Variants in SDK1 observed in about 807,000 individuals in gnomAD.
SDK1 encodes protein sidekick-1.
In SDK1, 157 loss-of-function variants were observed where a neutral mutation model predicts 245.5. The ratio of observed to expected loss-of-function variants is 0.64; its 90% confidence interval spans 0.56 to 0.73. SDK1 has a LOEUF of 0.73. Ranked by LOEUF, SDK1 falls within the 30% of genes least tolerant of loss-of-function variation. The pLI is 0.00. For missense variants in SDK1, 3,583 were observed against 3,002.3 expected, an observed-to-expected ratio of 1.19 and a Z score of -4.52; for synonymous variants, 1,647 against 1,278.5, an observed-to-expected ratio of 1.29 and a Z score of -6.15.
At chr7:3,770,385 T>A (rs1021722521) in intron 4 of SDK1, among the ~76,000 whole-genome samples, 2 of 152,196 alleles carry the variant, frequency 1.3e-5, no homozygotes, top group African/African-American at 4.8e-5. Context: ...CCTGGGATAT[T>A]TACAGTTTTG....
At chr7:4,025,317 A>T (rs1163637434) in intron 17 of SDK1, among the ~76,000 whole-genome samples, 1 of 152,244 alleles carries the variant, frequency 6.6e-6, no homozygotes, top group Non-Finnish European at 1.5e-5. Context: ...CTCGGCTATG[A>T]AGCCTGTCTT....
In SDK1 at chr7:3,523,875, C is replaced by G. The variant is rs541552349; in HGVS notation, c.299-95205C>G. ...TGGTTGTACATTTGGTTTTCTACCC[C>G]CTTATGTGGCAAAAATATTGCTGTG... On this transcript the variant is annotated intron_variant, in intron 1 of 44. Coordinates refer to ENST00000404826, the MANE Select transcript of SDK1 (RefSeq NM_152744.4). Among the ~76,000 whole-genome samples, 5 of 152,186 alleles carry G rather than the reference C, an allele frequency of 3.3e-5. No homozygotes were observed. In the South Asian group the frequency reaches 6.2e-4, roughly 19 times the overall value.
At chr7:3,302,037 A>G (rs1352402593) in intron 1 of SDK1, 153 bp downstream of exon 1, 4 of 442,778 alleles carry the variant, frequency 9.0e-6, no homozygotes, top group Non-Finnish European at 1.2e-5. Flanking sequence ...GGGCTCCTCC[A>G]CGCCAGACTC....
chr7:3,464,006 G>T (rs993959708), intron 1 of SDK1, among the ~76,000 whole-genome samples: 1 of 152,100 alleles, frequency 6.6e-6, no homozygotes, highest in Non-Finnish European at 1.5e-5. Flanking sequence ...TTCTCTTACA[G>T]TTCATTTATA....
intron 26 of SDK1, among the ~76,000 whole-genome samples, chr7:4,128,867 G>C: frequency 7.3e-6 from 1 of 136,422 alleles, no homozygotes; most frequent in African/African-American, 2.8e-5. Flanking sequence ...AGAGCAGCTT[G>C]GGGTGGGGTG....
At chr7:3,883,794 C>G (rs992228709) in intron 5 of SDK1, among the ~76,000 whole-genome samples, 6 of 151,444 alleles carry the variant, frequency 4.0e-5, no homozygotes, top group Non-Finnish European at 8.8e-5. Flanking sequence ...TCCTCTTGCC[C>G]TAGTTCTAGT....
At chr7:4,056,760 A>C (rs1048019602) in intron 19 of SDK1, among the ~76,000 whole-genome samples, 15 of 152,134 alleles carry the variant, frequency 9.9e-5, no homozygotes, top group African/African-American at 3.6e-4. Flanking sequence ...AGCAGCTACT[A>C]TGCAGTGCTG....
At chr7:4,157,327 G>T (rs1420282006) in intron 30 of SDK1, among the ~76,000 whole-genome samples, 1 of 149,426 alleles carries the variant, frequency 6.7e-6, no homozygotes, top group Non-Finnish European at 1.5e-5. Flanking sequence ...GACGGGAGGT[G>T]GAAGGGAGAG....
intron 1 of SDK1, among the ~76,000 whole-genome samples, chr7:3,417,497 C>G (rs1583826859): frequency 6.6e-6 from 1 of 152,130 alleles, no homozygotes. Context: ...AGTTCTAACT[C>G]TTCAAGCGTA....
At chr7:3,541,731 G>C (rs1320937092) in intron 1 of SDK1, among the ~76,000 whole-genome samples, 4 of 152,130 alleles carry the variant, frequency 2.6e-5, no homozygotes, top group Non-Finnish European at 5.9e-5. Context: ...TTCAGTAACT[G>C]ATGGTTGAAT....
intron 40 of SDK1, chr7:4,232,795 C>G (rs905623933): frequency 6.5e-6 from 1 of 153,290 alleles, no homozygotes; most frequent in African/African-American, 2.4e-5. Context: ...TCTCACTGAT[C>G]ACATTTCTTT....
intron 1 of SDK1, among the ~76,000 whole-genome samples, chr7:3,546,885 A>C (rs1779241366): frequency 6.6e-6 from 1 of 152,222 alleles, no homozygotes; most frequent in Non-Finnish European, 1.5e-5. Flanking sequence ...CAAGCATTTA[A>C]AAGTCATCAT....
chr7:4,052,944 G>A (rs1313880566), intron 19 of SDK1, among the ~76,000 whole-genome samples: 2 of 151,840 alleles, frequency 1.3e-5, no homozygotes, highest in Non-Finnish European at 2.9e-5. Flanking sequence ...AAAATTAGCT[G>A]GGTGTGGTGG....
chr7:4,256,958 G>A (rs1787673458), intron 44 of SDK1, among the ~76,000 whole-genome samples: 1 of 152,104 alleles, frequency 6.6e-6, no homozygotes. Context: ...CTGATCGGAG[G>A]TGCTCCTCTG....
chr7:4,124,371 T>A (rs1259856501), intron 25 of SDK1, among the ~76,000 whole-genome samples: 1 of 152,202 alleles, frequency 6.6e-6, no homozygotes, highest in East Asian at 1.9e-4. Flanking sequence ...CTCTCCAGCA[T>A]CTGGTGGTTC....
rs374853888 is a variant in SDK1 at position 4,109,159 on chromosome 7, G to A, written c.3325-1504G>A. Among the ~76,000 whole-genome samples the A allele has an allele frequency of 2.6e-5, 4 of 152,322 alleles. No individual in the cohort carries two copies. The East Asian group carries it at 7.7e-4, about 29-fold the overall frequency. ...GCAGGTATCTGTTAAGACACCTGTT[G>A]TCTGTTCTCTTGGGTCAGTGGCTGG... On this transcript the variant is annotated intron_variant, in intron 22 of 44. Coordinates refer to ENST00000404826, the MANE Select transcript of SDK1 (RefSeq NM_152744.4).
intron 4 of SDK1, among the ~76,000 whole-genome samples, chr7:3,644,259 A>G (rs1057156861): frequency 6.6e-6 from 1 of 150,526 alleles, no homozygotes; most frequent in Non-Finnish European, 1.5e-5. Flanking sequence ...ATATATATAT[A>G]TATATATGCA....
chr7:3,336,233 C>G (rs1005814522), intron 1 of SDK1, among the ~76,000 whole-genome samples: 1 of 152,190 alleles, frequency 6.6e-6, no homozygotes, highest in Non-Finnish European at 1.5e-5. Context: ...GCTTCGGTTC[C>G]CCACCCAGAG....
intron 2 of SDK1, among the ~76,000 whole-genome samples, chr7:3,622,918 T>C (rs1452858964): frequency 2.0e-5 from 3 of 152,084 alleles, no homozygotes; most frequent in Admixed American, 2.0e-4. Flanking sequence ...CCCCATGATA[T>C]AAAACCTGTC....
Sources: allele counts gnomAD v4.1 joint callset (sites outside exome capture counted in the v4.1 genomes callset), GRCh38; gene constraint gnomAD v4.1.1; transcripts MANE v1.5; gene names NCBI Gene and HGNC (gene_info 2026-07-23, HGNC 2026-07-21).